SYNE2: variants seen among roughly 807,000 people sequenced by gnomAD.
The protein encoded by SYNE2 is nesprin-2.
In SYNE2, 431 loss-of-function variants were observed where a neutral mutation model predicts 856.3. The observed-to-expected ratio is 0.50, with a 90% CI of 0.47 to 0.55. The LOEUF (loss-of-function observed/expected upper bound fraction) is 0.55, where lower values mean the gene tolerates loss of function less well. Among genes scored for constraint, SYNE2 ranks in the 20% least tolerant of loss-of-function variants. SYNE2 has a pLI of 0.00. For missense variants in SYNE2, 8,129 were observed against 8,023.2 expected (o/e 1.01, Z -0.50); for synonymous variants, 2,923 against 2,872.3 (o/e 1.02, Z -0.56).
intron 96 of SYNE2, among the ~76,000 whole-genome samples, chr14:64,181,787 C>T (rs1230093298): frequency 2.0e-5 from 3 of 152,106 alleles, no homozygotes; most frequent in Non-Finnish European, 2.9e-5. Context: ...ACTACAGCCA[C>T]GTTGAGGAAT....
Position 63,986,562 on chromosome 14 carries a change from C to T in SYNE2, c.2258C>T (p.Ala753Val). The T allele has an allele frequency of 1.2e-6, 2 of 1,614,020 alleles. No homozygotes were observed. The highest frequency in any genetic ancestry group is 1.7e-6 in the Non-Finnish European group (2 of 1,179,982). ...CAAGTGGAAATCTGGGAGGCAGAAGCCAAATCTGTTTTGGATCAAGATGAT... is the reference window on the plus strand; with the variant it reads ...CAAGTGGAAATCTGGGAGGCAGAAGTCAAATCTGTTTTGGATCAAGATGAT... ...IGQVEIWEAE[A>V]KSVLDQDDVD... The change falls in exon 19 of 116, where the codon GCC becomes GTC. Residue 753 changes from alanine (A) to valine (V), a missense_variant. Around this residue, in one of 3 missense-constraint regions of SYNE2, gnomAD observed 2,422 missense variants for 2,357.4 expected, o/e 1.03. Transcript: ENST00000555002.
At chr14:64,172,345 G>A (rs1411091034) in intron 94 of SYNE2, among the ~76,000 whole-genome samples, 3 of 152,160 alleles carry the variant, frequency 2.0e-5, no homozygotes, top group Admixed American at 2.0e-4. Flanking sequence ...GGTGGCTGGG[G>A]CTGGTGTCAT....
intron 94 of SYNE2, among the ~76,000 whole-genome samples, chr14:64,172,339 G>A (rs577173131): frequency 6.6e-6 from 1 of 152,292 alleles, no homozygotes; most frequent in South Asian, 2.1e-4. Flanking sequence ...TCAGATGGTG[G>A]CTGGGGCTGG....
At position 64,017,834 on chromosome 14, in the gene SYNE2, A is replaced by T. The variant is rs1814484268; in HGVS notation, c.5049+78A>T. On this transcript the variant is annotated intron_variant, in intron 34 of 115. Coordinates refer to ENST00000555002, the MANE Select transcript of SYNE2 (RefSeq NM_182914.3). ...TATTTTTTATGAATATAGTCAACAA[A>T]CATTAGGATGCTCATATGTGACTTT... The T allele has an allele frequency of 4.9e-5, 69 of 1,394,226 alleles. No individual in the cohort carries two copies. The South Asian group carries it at 7.8e-4, about 16-fold the overall frequency. 86.4% of individuals were successfully genotyped at this position (1,394,226 alleles called of 1,614,324 possible).
chr14:64,139,286 A>AT (rs2098122000), intron 79 of SYNE2, among the ~76,000 whole-genome samples: 1 of 151,988 alleles, frequency 6.6e-6, no homozygotes, highest in East Asian at 1.9e-4. Flanking sequence ...CCTGACCTAT[A>AT]TTTTTAATAT....
chr14:63,954,848 C>A lies in SYNE2; in HGVS notation c.720C>A (p.Asp240Glu). The change falls in exon 8 of 116, where the codon GAC becomes GAA. Residue 240 changes from aspartate to glutamate, a missense_variant. Coordinates refer to ENST00000555002, the MANE Select transcript of SYNE2 (RefSeq NM_182914.3). ...MKSVKHRSNK[D>E]NLREAFRIAE... ...GTGTGAAGCATAGATCCAACAAAGA[C>A]AATCTGAGAGAGGCCTTCAGAATTG... 1 of 1,613,934 alleles carries A rather than the reference C, an allele frequency of 6.2e-7. No homozygotes were observed. The highest frequency in any genetic ancestry group is 1.1e-5 in the South Asian group (1 of 91,076).
At position 63,958,436 on chromosome 14, in the gene SYNE2, A is replaced by G. The variant is rs534143303; in HGVS notation, c.788-3089A>G. ...AGGATGCCCCTTTATTGGAATTTACATTATGTTTTTTTCTCGTGATTATAC... is the reference window on the plus strand; with the variant it reads ...AGGATGCCCCTTTATTGGAATTTACGTTATGTTTTTTTCTCGTGATTATAC... On this transcript the variant is annotated intron_variant, in intron 8 of 115. Transcript: ENST00000555002. Among the ~76,000 whole-genome samples the G allele has an allele frequency of 3.7e-4, 56 of 152,218 alleles. No individual in the cohort carries two copies. In the Middle Eastern group the frequency reaches 0.01, roughly 28 times the overall value.
At chr14:63,861,170 A>G (rs1386281826) in intron 1 of SYNE2, among the ~76,000 whole-genome samples, 11 of 129,370 alleles carry the variant, frequency 8.5e-5, no homozygotes, top group African/African-American at 2.4e-4. Flanking sequence ...TTTGAGACGG[A>G]GTCTTACTCT....
At chr14:64,001,472 G>C (rs772347706) in intron 28 of SYNE2, among the ~76,000 whole-genome samples, 1 of 152,186 alleles carries the variant, frequency 6.6e-6, no homozygotes, top group Non-Finnish European at 1.5e-5. Flanking sequence ...ATCACTTGAG[G>C]TCAGGAGTTC....
intron 103 of SYNE2, 100 bp from the exon 104 acceptor site, chr14:64,211,861 T>C: frequency 6.4e-7 from 1 of 1,560,264 alleles, no homozygotes; most frequent in Non-Finnish European, 8.8e-7. Context: ...TCCCTGAGTA[T>C]TCTGGGTACC....
intron 1 of SYNE2, among the ~76,000 whole-genome samples, chr14:63,892,729 CTTTTT>C (rs11293385): frequency 4.6e-5 from 6 of 130,230 alleles, no homozygotes; most frequent in East Asian, 2.2e-4. Flanking sequence ...GGTGTACTTT[CTTTTT>C]TTTTTTTTTT....
At chr14:64,155,493 GAAAATGTTCT>G (rs1281619116) in intron 85 of SYNE2, among the ~76,000 whole-genome samples, 2 of 151,622 alleles carry the variant, frequency 1.3e-5, no homozygotes, top group Non-Finnish European at 2.9e-5. Context: ...TCAGAGTCAT[GAAAATGTTCT>G]AAAATTGATT....
At chr14:64,177,239 T>G in intron 95 of SYNE2, 119 bp from the exon 96 acceptor site, 2 of 1,290,036 alleles carry the variant, frequency 1.6e-6, no homozygotes, top group South Asian at 1.3e-5. Flanking sequence ...TGGGTGTCTG[T>G]GTGATTTATT....
rs575974881 is a variant in SYNE2 at position 64,130,255 on chromosome 14, C to G, written c.14340+7C>G. 9 of 1,609,764 alleles carry G rather than the reference C, an allele frequency of 5.6e-6. No individual in the cohort carries two copies. The South Asian group carries it at 7.8e-5, about 14-fold the overall frequency. On this transcript the variant is annotated splice_region_variant and intron_variant, in intron 76 of 115. Transcript: ENST00000555002. ...TCAAATAGAAAATCACAAGGTGAGACAGACACATGGGTCGGGTGACCCCTT... is the reference window on the plus strand; with the variant it reads ...TCAAATAGAAAATCACAAGGTGAGAGAGACACATGGGTCGGGTGACCCCTT...
chr14:63,886,586 T>A (rs997487669), intron 1 of SYNE2, among the ~76,000 whole-genome samples: 1 of 152,222 alleles, frequency 6.6e-6, no homozygotes, highest in Non-Finnish European at 1.5e-5. Flanking sequence ...TGTAATTAGA[T>A]GTCTCAACTG....
chr14:63,780,236 C>T (rs1430376105), intron 1 of SYNE2, among the ~76,000 whole-genome samples: 1 of 152,006 alleles, frequency 6.6e-6, no homozygotes, highest in Non-Finnish European at 1.5e-5. Context: ...TGGAATACTA[C>T]TCAGTAATAA....
At chr14:64,044,176 C>T (rs988273301) in intron 45 of SYNE2, among the ~76,000 whole-genome samples, 3 of 152,142 alleles carry the variant, frequency 2.0e-5, no homozygotes, top group African/African-American at 7.2e-5. Context: ...TGCCCAAGAC[C>T]GTGGGAACCT....
chr14:63,825,302 A>T (rs900562497), intron 1 of SYNE2, among the ~76,000 whole-genome samples: 3 of 152,320 alleles, frequency 2.0e-5, no homozygotes, highest in Middle Eastern at 3.4e-3. Context: ...GGAAGGAAAG[A>T]AGTTAAATTG....
intron 64 of SYNE2, among the ~76,000 whole-genome samples, chr14:64,106,177 G>T (rs1447009358): frequency 1.4e-5 from 2 of 144,876 alleles, no homozygotes; most frequent in Non-Finnish European, 3.0e-5. Flanking sequence ...GATATTGTCA[G>T]TCTTAGCCAA....
Sources: allele counts gnomAD v4.1 joint callset (sites outside exome capture counted in the v4.1 genomes callset), GRCh38; gene constraint gnomAD v4.1.1; regional missense constraint gnomAD v4.1.1; transcripts MANE v1.5; gene names NCBI Gene and HGNC (gene_info 2026-07-23, HGNC 2026-07-21).